CACNA1D: variants seen among roughly 807,000 people sequenced by gnomAD.
CACNA1D encodes voltage-dependent L-type calcium channel subunit alpha-1D.
A neutral mutation model predicts 257.1 loss-of-function variants in CACNA1D; 55 were observed. The ratio of observed to expected loss-of-function variants is 0.21; its 90% confidence interval spans 0.17 to 0.27. The LOEUF is 0.27. Ranked by LOEUF, CACNA1D falls within the 10% of genes least tolerant of loss-of-function variation. CACNA1D has a pLI of 1.00. For synonymous variants in CACNA1D, 980 were observed against 1,014.9 expected, an observed-to-expected ratio of 0.97 and a Z score of 0.65; for missense variants, 1,876 against 2,784.0, an observed-to-expected ratio of 0.67 and a Z score of 7.34.
At chr3:53,553,846 G>A (rs1439071175) in intron 3 of CACNA1D, among the ~76,000 whole-genome samples, 1 of 151,236 alleles carries the variant, frequency 6.6e-6, no homozygotes, top group African/African-American at 2.4e-5. Flanking sequence ...TAAGGCCTAA[G>A]CCTTTGCAGT....
At chr3:53,720,754 GAC>G (rs2094874733) in intron 11 of CACNA1D, among the ~76,000 whole-genome samples, 1 of 152,200 alleles carries the variant, frequency 6.6e-6, no homozygotes, top group Non-Finnish European at 1.5e-5. Flanking sequence ...GACAAGTTCT[GAC>G]AAGGATGCTG....
Position 53,729,445 on chromosome 3 carries a change from T to G in CACNA1D, c.2222-997T>G, listed in dbSNP as rs552364717. On this transcript the variant is annotated intron_variant, in intron 15 of 47. Coordinates refer to ENST00000350061, the MANE Select transcript of CACNA1D (RefSeq NM_001128840.3). Reference sequence around the variant, plus strand: ...CTCGGGGTCTCTGGGCTCCTGCAGTTTTGCCTGCAGATGGCCGGGCATCAG... The same window carrying G: ...CTCGGGGTCTCTGGGCTCCTGCAGTGTTGCCTGCAGATGGCCGGGCATCAG... Among the ~76,000 whole-genome samples the G allele has an allele frequency of 5.3e-5, 8 of 152,226 alleles. No homozygotes were observed. In the East Asian group the frequency reaches 1.5e-3, roughly 29 times the overall value.
At chr3:53,501,445 C>G (rs1259757883) in intron 2 of CACNA1D, among the ~76,000 whole-genome samples, 170 bp from the exon 3 acceptor site, 8 of 152,130 alleles carry the variant, frequency 5.3e-5, no homozygotes, top group Admixed American at 4.6e-4. Context: ...GAGATGACCA[C>G]CGATGATTAC....
intron 3 of CACNA1D, among the ~76,000 whole-genome samples, chr3:53,519,447 G>A (rs1410903689): frequency 6.6e-6 from 1 of 152,156 alleles, no homozygotes; most frequent in Non-Finnish European, 1.5e-5. Flanking sequence ...AAAGACTGTT[G>A]TAGAAAGAGG....
chr3:53,501,995 T>C (rs1298378979), intron 3 of CACNA1D, among the ~76,000 whole-genome samples: 3 of 152,132 alleles, frequency 2.0e-5, no homozygotes, highest in Non-Finnish European at 4.4e-5. Context: ...ATAACTGTTA[T>C]CTCCACATAA....
intron 20 of CACNA1D, among the ~76,000 whole-genome samples, chr3:53,736,299 C>T (rs2095056498): frequency 6.6e-6 from 1 of 151,788 alleles, no homozygotes; most frequent in African/African-American, 2.4e-5. Context: ...AATGTTTGCA[C>T]CACTGCACTC....
chr3:53,704,068 C>T (rs1165424150), intron 9 of CACNA1D, among the ~76,000 whole-genome samples: 1 of 152,084 alleles, frequency 6.6e-6, no homozygotes, highest in Non-Finnish European at 1.5e-5. Flanking sequence ...AGGGAGGAAG[C>T]AGTGGGCCCT....
rs1454813137 is a variant in CACNA1D at position 53,726,890 on chromosome 3, C to T, written c.2112C>T (p.Gly704=). ...ALLTVFQILT[G]EDWNAVMYDG... ...GTTTGGCTTCTCAGATCCTGACAGGCGAAGACTGGAATGCTGTGATGTACG... is the reference window on the plus strand; with the variant it reads ...GTTTGGCTTCTCAGATCCTGACAGGTGAAGACTGGAATGCTGTGATGTACG... Residue 704 remains glycine, a synonymous_variant, in exon 15 of 48, where the codon GGC becomes GGT. Coordinates refer to ENST00000350061, the MANE Select transcript of CACNA1D (RefSeq NM_001128840.3). 3.7e-6 allele frequency: 6 copies of T among 1,614,020 alleles called. No individual in the cohort carries two copies. Among genetic ancestry groups the T allele is most frequent in the Admixed American group, 3.3e-5 (2 of 60,002 alleles).
chr3:53,654,403 A>G (rs1218711312), intron 4 of CACNA1D, among the ~76,000 whole-genome samples: 2 of 152,224 alleles, frequency 1.3e-5, no homozygotes, highest in Non-Finnish European at 2.9e-5. Flanking sequence ...GTACATGACA[A>G]TGGTAGCATG....
In CACNA1D at chr3:53,767,173, A is replaced by G. The variant is rs186160283; in HGVS notation, c.3871-2800A>G. On this transcript the variant is annotated intron_variant, in intron 30 of 47. Transcript: ENST00000350061. ...AGATCTAAAGGGCATTAGCTGGTAT[A>G]GGCCACCTGTTAACTACTCGGGCCA... Among the ~76,000 whole-genome samples, 240 of 152,286 alleles carry G rather than the reference A, an allele frequency of 1.6e-3. 1 individual carries two copies. Among genetic ancestry groups the G allele is most frequent in the Admixed American group, 0.015 (229 of 15,304 alleles).
chr3:53,689,695 G>A (rs1336890722), intron 8 of CACNA1D, among the ~76,000 whole-genome samples: 1 of 151,982 alleles, frequency 6.6e-6, no homozygotes, highest in African/African-American at 2.4e-5. Context: ...GTCTTGCTCT[G>A]TCACCCAGGC....
intron 40 of CACNA1D, among the ~76,000 whole-genome samples, chr3:53,796,727 C>G (rs1295640433): frequency 5.3e-5 from 8 of 152,164 alleles, no homozygotes; most frequent in Non-Finnish European, 1.2e-4. Flanking sequence ...AAGCAGCAGT[C>G]TACAGGCAAA....
intron 21 of CACNA1D, among the ~76,000 whole-genome samples, chr3:53,741,517 A>G (rs750055736): frequency 6.6e-6 from 1 of 152,194 alleles, no homozygotes; most frequent in Non-Finnish European, 1.5e-5. Context: ...AAAGCCAACC[A>G]ACAACTGTTT....
intron 3 of CACNA1D, among the ~76,000 whole-genome samples, chr3:53,558,553 C>A (rs533840390): frequency 6.6e-6 from 1 of 152,192 alleles, no homozygotes; most frequent in South Asian, 2.1e-4. Flanking sequence ...GACTGCATTT[C>A]TTTTAGAATG....
rs936082490 is a variant in CACNA1D at position 53,499,991 on chromosome 3, TA to T, written c.378-1616del. Reference sequence around the variant, plus strand: ...CAATGTGAATTAAAGCTGACTGGCTTAAAAAAAATAAACCCATCAAAATTAG... The same window carrying T: ...CAATGTGAATTAAAGCTGACTGGCTTAAAAAAATAAACCCATCAAAATTAG... On this transcript the variant is annotated intron_variant, in intron 2 of 47. Coordinates refer to ENST00000350061, the MANE Select transcript of CACNA1D (RefSeq NM_001128840.3). Among the ~76,000 whole-genome samples the T allele has an allele frequency of 1.8e-3, 270 of 151,958 alleles. 9 individuals are homozygous for T. The highest frequency in any genetic ancestry group is 1.0e-3 in the Non-Finnish European group (69 of 67,956).
chr3:53,808,522 C>A, intron 45 of CACNA1D, 127 bp from the exon 46 acceptor site: 1 of 1,162,404 alleles, frequency 8.6e-7, no homozygotes, highest in Non-Finnish European at 1.3e-6. Flanking sequence ...CCTAATCTTT[C>A]TCTTGGACAA....
intron 33 of CACNA1D, among the ~76,000 whole-genome samples, chr3:53,773,183 CT>C (rs1366727677): frequency 6.6e-6 from 1 of 152,152 alleles, no homozygotes; most frequent in Non-Finnish European, 1.5e-5. Flanking sequence ...TTGAAACTAA[CT>C]ATTTCCAGAT....
intron 8 of CACNA1D, among the ~76,000 whole-genome samples, chr3:53,675,435 C>T (rs974642641): frequency 6.6e-6 from 1 of 152,204 alleles, no homozygotes; most frequent in Non-Finnish European, 1.5e-5. Context: ...TCCTTGGCGC[C>T]TCATGTCTCC....
intron 3 of CACNA1D, among the ~76,000 whole-genome samples, chr3:53,605,658 A>C (rs1045884322): frequency 6.6e-6 from 1 of 152,240 alleles, no homozygotes; most frequent in Non-Finnish European, 1.5e-5. Flanking sequence ...GGCGATCCAA[A>C]ATTTAAAACA....
Sources: allele counts gnomAD v4.1 joint callset (sites outside exome capture counted in the v4.1 genomes callset), GRCh38; gene constraint gnomAD v4.1.1; transcripts MANE v1.5; gene names NCBI Gene and HGNC (gene_info 2026-07-23, HGNC 2026-07-21).